RAB31: variants seen among roughly 807,000 people sequenced by gnomAD.
RAB31 encodes ras-related protein Rab-31.
A neutral mutation model predicts 25.6 loss-of-function variants in RAB31; 21 were observed. The observed-to-expected ratio is 0.82, with a 90% CI of 0.58 to 1.18. The LOEUF (loss-of-function observed/expected upper bound fraction) is 1.18, where lower values mean the gene tolerates loss of function less well. Among genes scored for constraint, RAB31 ranks in the 50% most tolerant of loss-of-function variants. RAB31 has a pLI of 0.00. For synonymous variants in RAB31, 87 were observed against 84.0 expected, an observed-to-expected ratio of 1.04 and a Z score of -0.20; for missense variants, 196 against 250.1, an observed-to-expected ratio of 0.78 and a Z score of 1.46.
chr18:9,860,652 G>T lies in RAB31; in HGVS notation c.*1327G>T, dbSNP rs1897435251. On this transcript the variant is annotated 3_prime_UTR_variant, in exon 7 of 7. Transcript: ENST00000578921. ...ATTTCCTGCCAGGGCTTATATTAGG[G>T]GGTGATTCTTAAAGGACATTAGGAT... 6.6e-6 allele frequency: 1 copy of T among 151,970 alleles called. No homozygotes were observed. Among genetic ancestry groups the T allele is most frequent in the African/African-American group, 2.4e-5 (1 of 41,338 alleles). 9.4% of individuals were successfully genotyped at this position (151,970 alleles called of 1,614,324 possible).
intron 5 of RAB31, among the ~76,000 whole-genome samples, chr18:9,834,273 G>A (rs2068693641): frequency 1.3e-5 from 2 of 152,042 alleles, no homozygotes; most frequent in African/African-American, 4.8e-5. Context: ...CCGCCACCAC[G>A]CCTAGCTAAT....
rs899507044 is a variant in RAB31 at position 9,859,512 on chromosome 18, G to A, written c.*187G>A. Reference sequence around the variant, plus strand: ...CTGAAAAGGATTTTAGAAAACCCTGGGAAAACCCACCACACCACCACAAAA... The same window carrying A: ...CTGAAAAGGATTTTAGAAAACCCTGAGAAAACCCACCACACCACCACAAAA... On this transcript the variant is annotated 3_prime_UTR_variant, in exon 7 of 7. Coordinates refer to ENST00000578921, the MANE Select transcript of RAB31 (RefSeq NM_006868.4). 6.8e-5 allele frequency: 33 copies of A among 484,882 alleles called. No homozygotes were observed. The highest frequency in any genetic ancestry group is 1.2e-4 in the Non-Finnish European group (32 of 277,196). The allele number at this position is 484,882 out of a possible 1,614,324, so 30.0% of individuals were successfully genotyped here.
At chr18:9,757,250 T>C (rs1412817975) in intron 1 of RAB31, among the ~76,000 whole-genome samples, 1 of 152,138 alleles carries the variant, frequency 6.6e-6, no homozygotes, top group African/African-American at 2.4e-5. Flanking sequence ...TGGTGGATGG[T>C]TGTGGCTCTC....
intron 1 of RAB31, among the ~76,000 whole-genome samples, chr18:9,744,334 C>T (rs2068194899): frequency 6.6e-6 from 1 of 152,184 alleles, no homozygotes; most frequent in Admixed American, 6.5e-5. Flanking sequence ...AAAATGACCC[C>T]CTCCAAGCCG....
At chr18:9,787,670 G>A (rs1037077855) in intron 2 of RAB31, 6 of 154,298 alleles carry the variant, frequency 3.9e-5, no homozygotes, top group Admixed American at 6.5e-5. Flanking sequence ...TTCGTTCTTG[G>A]GAGAATCCTT....
At chr18:9,824,224 G>A (rs2068637627) in intron 5 of RAB31, among the ~76,000 whole-genome samples, 1 of 151,944 alleles carries the variant, frequency 6.6e-6, no homozygotes, top group Admixed American at 6.6e-5. Context: ...GTATGTGTGT[G>A]TGTATGTGTG....
At chr18:9,786,783 T>C (rs975064084) in intron 2 of RAB31, 14 of 152,202 alleles carry the variant, frequency 9.2e-5, no homozygotes, top group Non-Finnish European at 1.9e-4. Context: ...ATCTTTCCTG[T>C]ATATGCAATC....
chr18:9,792,556 A>G (rs1047237062), intron 3 of RAB31, among the ~76,000 whole-genome samples: 2 of 151,868 alleles, frequency 1.3e-5, no homozygotes, highest in Admixed American at 1.3e-4. Context: ...CTCCCTCCTT[A>G]CCTCAAGGGT....
chr18:9,750,377 G>T (rs1425801323), intron 1 of RAB31, among the ~76,000 whole-genome samples: 2 of 152,202 alleles, frequency 1.3e-5, no homozygotes, highest in African/African-American at 4.8e-5. Context: ...AATACAGTTT[G>T]CCATTTAGAT....
chr18:9,815,055 G>A (rs1177460038), intron 4 of RAB31, 61 bp from the exon 5 acceptor site: 1 of 1,201,854 alleles, frequency 8.3e-7, no homozygotes, highest in South Asian at 1.3e-5. Flanking sequence ...TTGTATTTCT[G>A]CTTAGTTGAA....
chr18:9,766,651 C>T lies in RAB31; in HGVS notation c.40-8627C>T, dbSNP rs763960760. Among the ~76,000 whole-genome samples the T allele has an allele frequency of 8.5e-5, 13 of 152,188 alleles. No homozygotes were observed. The highest frequency in any genetic ancestry group is 1.5e-4 in the Non-Finnish European group (10 of 68,040). On this transcript the variant is annotated intron_variant, in intron 1 of 6. Coordinates refer to ENST00000578921, the MANE Select transcript of RAB31 (RefSeq NM_006868.4). This position sits in a 1 kb window ranked among gnomAD's most constrained non-coding sequence, Gnocchi z 4.3. ...TAACTCCTTGTCAATGCTGAAGATGCTGAAGACGTTTTAGAAGCATGTGGC... is the reference window on the plus strand; with the variant it reads ...TAACTCCTTGTCAATGCTGAAGATGTTGAAGACGTTTTAGAAGCATGTGGC...
At chr18:9,719,333 A>AT (rs1555683157) in intron 1 of RAB31, among the ~76,000 whole-genome samples, 2 of 66,270 alleles carry the variant, frequency 3.0e-5, no homozygotes, top group Non-Finnish European at 2.9e-5. Context: ...ATATATAAAT[A>AT]AATAAATTTG....
At chr18:9,823,196 T>C (rs2068632325) in intron 5 of RAB31, among the ~76,000 whole-genome samples, 1 of 152,082 alleles carries the variant, frequency 6.6e-6, no homozygotes, top group African/African-American at 2.4e-5. Context: ...TTATATAACA[T>C]TTTAGAAATA....
chr18:9,717,259 G>GT (rs948030640), intron 1 of RAB31, among the ~76,000 whole-genome samples: 6 of 152,004 alleles, frequency 3.9e-5, no homozygotes, highest in African/African-American at 9.7e-5. Flanking sequence ...CTTTTGATGA[G>GT]TTTTTTTCGA....
At chr18:9,760,014 C>T (rs763206220) in intron 1 of RAB31, among the ~76,000 whole-genome samples, 7 of 151,908 alleles carry the variant, frequency 4.6e-5, no homozygotes, top group African/African-American at 1.5e-4. Flanking sequence ...TCTTGCCTTG[C>T]GTTGAAGGCT....
intron 1 of RAB31, among the ~76,000 whole-genome samples, chr18:9,732,514 G>T (rs1390449549): frequency 6.6e-6 from 1 of 152,196 alleles, no homozygotes; most frequent in Non-Finnish European, 1.5e-5. Flanking sequence ...GTTAGGTGTG[G>T]GCATGCAGTG....
At position 9,775,560 on chromosome 18, in the gene RAB31, T is replaced by TC. The variant is rs397938685; in HGVS notation, c.119+205dup. ...CTGTCCCTGTCGGTCATTTTTTTTT[T>TC]CCTAGTCAGCCTTCCTCATGCTACC... On this transcript the variant is annotated intron_variant, in intron 2 of 6. Coordinates refer to ENST00000578921, the MANE Select transcript of RAB31 (RefSeq NM_006868.4). 1.3e-3 allele frequency among the ~76,000 whole-genome samples: 198 copies of TC among 151,702 alleles called. 1 individual carries two copies. Among genetic ancestry groups the TC allele is most frequent in the Admixed American group, 4.1e-3 (62 of 15,236 alleles).
chr18:9,777,509 T>A (rs1346354537), intron 2 of RAB31, among the ~76,000 whole-genome samples: 2 of 152,172 alleles, frequency 1.3e-5, no homozygotes, highest in African/African-American at 4.8e-5. Flanking sequence ...ATAGGCGCGC[T>A]TGTATGATAG....
At chr18:9,814,328 A>G (rs2143078167) in intron 4 of RAB31, among the ~76,000 whole-genome samples, 1 of 152,376 alleles carries the variant, frequency 6.6e-6, no homozygotes, top group East Asian at 1.9e-4. Flanking sequence ...ACTATTCTGC[A>G]GAATGTCAGC....
Sources: gnomAD v4.1 joint callset for allele counts (sites outside exome capture counted in the v4.1 genomes callset) on GRCh38, gnomAD v4.1.1 for gene constraint, Gnocchi (gnomAD v3.1) non-coding constraint, MANE v1.5 for transcripts, NCBI Gene and HGNC (gene_info 2026-07-23, HGNC 2026-07-21) for gene names.